The following SGPP1 variants were observed in gnomAD, a reference collection of about 807,000 sequenced individuals.
The protein encoded by SGPP1 is sphingosine-1-phosphate phosphatase 1, also known as hSPP1.
SGPP1 carries 21 observed loss-of-function variants against 33.0 expected under a neutral mutation model. That is an observed-to-expected ratio of 0.64 (90% CI 0.45 to 0.92). SGPP1 has a LOEUF of 0.92. SGPP1 is among the 40% of genes least tolerant of loss of function. The pLI is 0.00. For synonymous variants in SGPP1, 239 were observed against 241.2 expected, an observed-to-expected ratio of 0.99 and a Z score of 0.08; for missense variants, 543 against 589.4, an observed-to-expected ratio of 0.92 and a Z score of 0.81.
intron 1 of SGPP1, among the ~76,000 whole-genome samples, chr14:63,719,439 A>G (rs1296625622): frequency 6.6e-6 from 1 of 152,102 alleles, no homozygotes; most frequent in African/African-American, 2.4e-5. Flanking sequence ...GTAAATTAGT[A>G]CAATCTTTAT....
intron 2 of SGPP1, among the ~76,000 whole-genome samples, chr14:63,690,661 T>C (rs1885076024): frequency 6.6e-6 from 1 of 152,212 alleles, no homozygotes; most frequent in African/African-American, 2.4e-5. Context: ...TAAATGAATA[T>C]CTTTCCTCTC....
At position 63,702,408 on chromosome 14, in the gene SGPP1, G is replaced by GA. The variant is rs199983018; in HGVS notation, c.685-3751dup. Among the ~76,000 whole-genome samples the GA allele has an allele frequency of 5.0e-3, 764 of 151,620 alleles. 5 individuals carry two copies. Among genetic ancestry groups the GA allele is most frequent in the African/African-American group, 0.018 (734 of 41,350 alleles). On this transcript the variant is annotated intron_variant, in intron 1 of 2. Coordinates refer to ENST00000247225, the MANE Select transcript of SGPP1 (RefSeq NM_030791.4). ...GATATGTTCTCTAGATTTTTTTATG[G>GA]AAAAAAAATATTTTGGGGCCAAGCA...
chr14:63,699,946 G>C (rs1885261891), intron 1 of SGPP1, among the ~76,000 whole-genome samples: 1 of 152,016 alleles, frequency 6.6e-6, no homozygotes, highest in South Asian at 2.1e-4. Flanking sequence ...TCTGTCCTTA[G>C]TAGTTACTGA....
Position 63,727,859 on chromosome 14 carries a change from A to T in SGPP1, c.86T>A (p.Val29Glu). The T allele has an allele frequency of 6.6e-7, 1 of 1,519,496 alleles. No individual in the cohort carries two copies. Among genetic ancestry groups the T allele is most frequent in the Non-Finnish European group, 8.8e-7 (1 of 1,140,120 alleles). 94.1% of individuals were successfully genotyped at this position (1,519,496 alleles called of 1,614,324 possible). A position where few individuals can be genotyped will look rare whatever the true frequency, so the allele number is the denominator to read the frequency against. ...KVARFQRLCG[V>E]EAPPRRSADR... is the part of the protein sequence containing the mutation. ...TGCTGAGCGGCGCGGCGGCGCTTCCACCCCGCACAGCCGCTGGAAACGGGC... is the reference window on the plus strand; with the variant it reads ...TGCTGAGCGGCGCGGCGGCGCTTCCTCCCCGCACAGCCGCTGGAAACGGGC... The change falls in exon 1 of 3, where the codon GTG (valine) becomes GAG (glutamate). Residue 29 changes from valine (V) to glutamate (E), a missense_variant. Coordinates refer to ENST00000247225, the MANE Select transcript of SGPP1 (RefSeq NM_030791.4).
intron 1 of SGPP1, among the ~76,000 whole-genome samples, chr14:63,707,790 G>T (rs1275677614): frequency 6.6e-6 from 1 of 151,974 alleles, no homozygotes; most frequent in Non-Finnish European, 1.5e-5. Context: ...ACCCTCATCT[G>T]CTTCGAGGCT....
At chr14:63,687,680 G>A (rs554411169) in intron 2 of SGPP1, among the ~76,000 whole-genome samples, 1 of 152,292 alleles carries the variant, frequency 6.6e-6, no homozygotes, top group Admixed American at 6.5e-5. Context: ...GCTTTTGTAG[G>A]CTAGGTAAGA....
At chr14:63,707,944 G>A (rs547437016) in intron 1 of SGPP1, among the ~76,000 whole-genome samples, 2 of 152,234 alleles carry the variant, frequency 1.3e-5, no homozygotes, top group African/African-American at 4.8e-5. Flanking sequence ...AAAAGTGAGT[G>A]TGGTAGGCTC....
At chr14:63,708,925 A>G (rs1174599449) in intron 1 of SGPP1, among the ~76,000 whole-genome samples, 1 of 152,244 alleles carries the variant, frequency 6.6e-6, no homozygotes, top group Non-Finnish European at 1.5e-5. Flanking sequence ...CTACTACACT[A>G]TGCTGCCCTT....
chr14:63,690,766 A>T (rs1566817009), intron 2 of SGPP1, among the ~76,000 whole-genome samples: 1 of 152,206 alleles, frequency 6.6e-6, no homozygotes. Flanking sequence ...GATGGAGTAC[A>T]GTGGCACCAT....
At chr14:63,709,789 T>C (rs914735050) in intron 1 of SGPP1, among the ~76,000 whole-genome samples, 4 of 152,212 alleles carry the variant, frequency 2.6e-5, no homozygotes, top group African/African-American at 9.6e-5. Flanking sequence ...TTTAATTTCA[T>C]ACCACTATCT....
At chr14:63,715,906 G>C (rs554096031) in intron 1 of SGPP1, among the ~76,000 whole-genome samples, 1 of 152,114 alleles carries the variant, frequency 6.6e-6, no homozygotes, top group Non-Finnish European at 1.5e-5. Flanking sequence ...CAGTGAAGAG[G>C]GAATTGGGTA....
At chr14:63,698,074 G>A (rs1316242208) in intron 2 of SGPP1, among the ~76,000 whole-genome samples, 1 of 152,190 alleles carries the variant, frequency 6.6e-6, no homozygotes, top group Non-Finnish European at 1.5e-5. Context: ...GAACCGAATT[G>A]CATTCTCAAA....
intron 1 of SGPP1, among the ~76,000 whole-genome samples, chr14:63,719,831 A>G (rs1162608980): frequency 3.3e-5 from 5 of 151,292 alleles, no homozygotes. Flanking sequence ...AAAAAAAAAG[A>G]AGGCCAGGCA....
At chr14:63,711,015 CTT>C (rs1392932036) in intron 1 of SGPP1, among the ~76,000 whole-genome samples, 27 of 140,604 alleles carry the variant, frequency 1.9e-4, no homozygotes, top group Admixed American at 2.1e-4. Context: ...TGTTTTCTTT[CTT>C]TTTTTTTTTT....
intron 1 of SGPP1, among the ~76,000 whole-genome samples, chr14:63,706,570 C>T (rs1176324843): frequency 2.6e-5 from 4 of 152,118 alleles, no homozygotes; most frequent in African/African-American, 4.8e-5. Flanking sequence ...GCACATAGTG[C>T]GCAGTCAATT....
At chr14:63,687,338 A>G (rs923878899) in intron 2 of SGPP1, among the ~76,000 whole-genome samples, 5 of 152,072 alleles carry the variant, frequency 3.3e-5, no homozygotes, top group Admixed American at 6.6e-5. Flanking sequence ...CTACTTGGGG[A>G]TGGAGGCATG....
At chr14:63,697,802 G>A (rs1334055048) in intron 2 of SGPP1, among the ~76,000 whole-genome samples, 1 of 152,238 alleles carries the variant, frequency 6.6e-6, no homozygotes, top group Non-Finnish European at 1.5e-5. Flanking sequence ...TAAAGTTATG[G>A]AGGTAAGAAA....
rs1376290431 is a variant in SGPP1, at chr14:63,684,997, G to C, written c.*1108C>G. ...TGTTTACATATGAAGTATGTGCATT[G>C]TCCCATCTATAAATTTCAACGTTTC... On this transcript the variant is annotated 3_prime_UTR_variant, in exon 3 of 3. Coordinates refer to ENST00000247225, the MANE Select transcript of SGPP1 (RefSeq NM_030791.4). 3 of 151,960 alleles carry C rather than the reference G, an allele frequency of 2.0e-5. No individual in the cohort carries two copies. The highest frequency in any genetic ancestry group is 1.3e-4 in the Admixed American group (2 of 15,230). The allele number at this position is 151,960 out of a possible 1,614,324, so 9.4% of individuals were successfully genotyped here. A position where few individuals can be genotyped will look rare whatever the true frequency, so the allele number is the denominator to read the frequency against.
Position 63,721,984 on chromosome 14 carries a change from A to G in SGPP1, c.684+5277T>C, listed in dbSNP as rs187044873. ...TTTCAAAAATAATATTACTGCAAGC[A>G]TACCTTAAAAATCACACACAAAGTG... On this transcript the variant is annotated intron_variant, in intron 1 of 2. Coordinates refer to ENST00000247225, the MANE Select transcript of SGPP1 (RefSeq NM_030791.4). Among the ~76,000 whole-genome samples the G allele has an allele frequency of 2.6e-3, 395 of 152,328 alleles. 1 individual carries two copies. The highest frequency in any genetic ancestry group is 4.4e-3 in the Non-Finnish European group (299 of 68,028).
Sources: allele counts gnomAD v4.1 joint callset (sites outside exome capture counted in the v4.1 genomes callset), GRCh38; gene constraint gnomAD v4.1.1; transcripts MANE v1.5; gene names NCBI Gene and HGNC (gene_info 2026-07-23, HGNC 2026-07-21).